The following MUC17 variants were observed in gnomAD, a reference collection of about 807,000 sequenced individuals.
MUC17 encodes the protein mucin-17.
MUC17 carries 190 observed loss-of-function variants against 170.3 expected under a neutral mutation model. The ratio of observed to expected loss-of-function variants is 1.12; its 90% CI spans 0.99 to 1.26. The LOEUF is 1.26. MUC17 is among the 50% of genes most tolerant of loss of function. MUC17 has a pLI of 0.00. For missense variants in MUC17, 6,415 were observed against 5,530.0 expected, an observed-to-expected ratio of 1.16 and a Z score of -5.08; for synonymous variants, 2,325 against 2,002.5, an observed-to-expected ratio of 1.16 and a Z score of -4.30.
In MUC17 at chr7:101,031,935, G is replaced by C; in HGVS notation, c.519G>C (p.Glu173Asp). The change falls in exon 3 of 13, where the codon GAG becomes GAC. Residue 173 changes from glutamate to aspartate, a missense_variant. Transcript: ENST00000306151. ...FVSTAPLPSF[E>D]AYTSLTYKVD... ...GCACTGCACCTCTTCCCAGTTTTGA[G>C]GCCTACACATCTTTAACATATAAGG... 6.2e-7 allele frequency: 1 copy of C among 1,614,018 alleles called. No individual in the cohort carries two copies. Among genetic ancestry groups the C allele is most frequent in the Non-Finnish European group, 8.5e-7 (1 of 1,180,026 alleles).
chr7:101,025,552 G>A (rs929109981), intron 1 of MUC17, among the ~76,000 whole-genome samples: 5 of 152,130 alleles, frequency 3.3e-5, no homozygotes, highest in African/African-American at 1.2e-4. Context: ...AGCACTTTGG[G>A]AGGCCAAGGC....
In MUC17 at chr7:101,037,324, G is replaced by T. The variant is rs374119260; in HGVS notation, c.5908G>T (p.Ala1970Ser). 1.2e-5 allele frequency: 20 copies of T among 1,613,912 alleles called. No homozygotes were observed. The African/African-American group carries it at 2.7e-4, about 22-fold the overall frequency. The part of the protein sequence containing the change: ...YSQASSSPTT[A>S]DGTSMPTPAY... ...TCAAGCCAGTTCATCTCCTACAACT[G>T]CTGATGGTACCAGCATGCCAACCCC... The change falls in exon 3 of 13, where the codon GCT (alanine) becomes TCT (serine). Residue 1970 changes from alanine (A) to serine (S), a missense_variant. Ala to Ser is a moderately conservative substitution (Grantham distance 99, BLOSUM62 1). Transcript: ENST00000306151.
Position 101,056,235 on chromosome 7 carries a change from C to T in MUC17, c.13405C>T (p.Gln4469Ter), listed in dbSNP as rs142829628. The T allele has an allele frequency of 1.3e-4, 205 of 1,613,908 alleles. 1 individual carries two copies. In the Middle Eastern group the frequency reaches 1.3e-3, roughly 10 times the overall value. The part of the protein sequence containing the change: ...IHLESIYSNF[Q>*]PSLRHIDPET... ...CCTGGAGTCCATCTATAGTAATTTCCAGCCCTCCTTGAGACACATAGACCC... is the reference window on the plus strand; with the variant it reads ...CCTGGAGTCCATCTATAGTAATTTCTAGCCCTCCTTGAGACACATAGACCC... The change falls in exon 12 of 13, where the codon CAG becomes TAG. Residue 4469 changes from glutamine (Q) to a stop codon, truncating the protein, a stop_gained. Coordinates refer to ENST00000306151, the MANE Select transcript of MUC17 (RefSeq NM_001040105.2). LOFTEE classifies it low-confidence loss of function (END_TRUNC).
rs750811978 is a variant in MUC17, at chr7:101,031,650, G to C, written c.234G>C (p.Glu78Asp). The C allele has an allele frequency of 6.4e-7, 1 of 1,570,450 alleles. No individual in the cohort carries two copies. The highest frequency in any genetic ancestry group is 1.8e-5 in the Admixed American group (1 of 54,512). The change falls in exon 3 of 13, where the codon GAG (glutamate) becomes GAC (aspartate). Residue 78 changes from glutamate to aspartate, a missense_variant. By Grantham distance (45) the Glu-to-Asp change is conservative. Coordinates refer to ENST00000306151, the MANE Select transcript of MUC17 (RefSeq NM_001040105.2). ...GTACAACATCTACAAATGTCGTGGA[G>C]CCAAGAATGTATTTGAGTTGCAGCA... ...ATGTTSTNVV[E>D]PRMYLSCSTN...
At position 101,042,152 on chromosome 7, in the gene MUC17, C is replaced by G. The variant is rs762731271; in HGVS notation, c.10736C>G (p.Thr3579Arg). ...STPSEGSSSL[T>R]TMLLSSTYVT... The stretch of plus-strand genomic sequence containing the variant: ...CCAAGTGAAGGAAGCTCTTCATTAA[C>G]AACTATGCTCCTCAGCAGCACATAT... Residue 3579 changes from threonine to arginine, a missense_variant, in exon 3 of 13, where the codon ACA becomes AGA. Coordinates refer to ENST00000306151, the MANE Select transcript of MUC17 (RefSeq NM_001040105.2). The G allele has an allele frequency of 6.2e-7, 1 of 1,614,114 alleles. No individual in the cohort carries two copies. Among genetic ancestry groups the G allele is most frequent in the Non-Finnish European group, 8.5e-7 (1 of 1,180,052 alleles).
chr7:101,040,661 A>C lies in MUC17; in HGVS notation c.9245A>C (p.Glu3082Ala), dbSNP rs143037692. The change falls in exon 3 of 13, where the codon GAA (glutamate) becomes GCA (alanine). Residue 3082 changes from glutamate to alanine, a missense_variant. Coordinates refer to ENST00000306151, the MANE Select transcript of MUC17 (RefSeq NM_001040105.2). ...DSNSPVVTST[E>A]VSSSPTPAEG... Reference sequence around the variant, plus strand: ...AACAGTCCTGTGGTCACTTCTACTGAAGTCAGTTCATCTCCTACACCTGCT... The same window carrying C: ...AACAGTCCTGTGGTCACTTCTACTGCAGTCAGTTCATCTCCTACACCTGCT... 220 of 1,612,612 alleles carry C rather than the reference A, an allele frequency of 1.4e-4. 1 individual carries two copies. The highest frequency in any genetic ancestry group is 3.0e-5 in the Non-Finnish European group (35 of 1,179,442).
rs533114568 is a variant in MUC17 at position 101,047,098 on chromosome 7, A to T, written c.12404-886A>T. On this transcript the variant is annotated intron_variant, in intron 3 of 12. Coordinates refer to ENST00000306151, the MANE Select transcript of MUC17 (RefSeq NM_001040105.2). ...TCCGTCTCAAAAAAAAAAAATTAAA[A>T]TAAATAAATAAATAAATAAATAAAT... Among the ~76,000 whole-genome samples the T allele has an allele frequency of 3.4e-5, 5 of 147,332 alleles. No individual in the cohort carries two copies. The East Asian group carries it at 9.7e-4, about 29-fold the overall frequency.
rs1247101542 is a variant in MUC17, at chr7:101,040,927, G to C, written c.9511G>C (p.Val3171Leu). 6.2e-7 allele frequency: 1 copy of C among 1,613,146 alleles called. No homozygotes were observed. The change falls in exon 3 of 13, where the codon GTC becomes CTC. Residue 3171 changes from valine (V) to leucine (L), a missense_variant. Transcript: ENST00000306151. Reference sequence around the variant, plus strand: ...AAGTACTCCATTAACATATATGCCTGTCAGCACCATGCTGGTAGTCAGTTC... The same window carrying C: ...AAGTACTCCATTAACATATATGCCTCTCAGCACCATGCTGGTAGTCAGTTC... ...EGSTPLTYMP[V>L]STMLVVSSED...
chr7:101,025,365 GA>G (rs796440861), intron 1 of MUC17, among the ~76,000 whole-genome samples: 1,352 of 121,816 alleles, frequency 0.011, 13 homozygotes, highest in African/African-American at 0.036. Flanking sequence ...TCCGTCTTAA[GA>G]AAAAAAAAAA....
chr7:101,054,513 CAA>C (rs1230939443), intron 11 of MUC17, among the ~76,000 whole-genome samples: 1 of 152,000 alleles, frequency 6.6e-6, no homozygotes, highest in East Asian at 1.9e-4. Context: ...AGTCAACCCA[CAA>C]AGAGGCAGGA....
At position 101,035,103 on chromosome 7, in the gene MUC17, G is replaced by A. The variant is rs774659126; in HGVS notation, c.3687G>A (p.Thr1229=). The A allele has an allele frequency of 1.2e-5, 20 of 1,611,424 alleles. No individual in the cohort carries two copies. Among genetic ancestry groups the A allele is most frequent in the Non-Finnish European group, 1.4e-5 (16 of 1,179,054 alleles). Residue 1229 remains threonine, a synonymous_variant, in exon 3 of 13, where the codon ACG becomes ACA. Transcript: ENST00000306151. The part of the protein sequence containing the change: ...TPLTSMPVRH[T]PVASSEASTL... ...TAACAAGTATGCCTGTCAGACACAC[G>A]CCAGTGGCCAGTTCTGAGGCTAGCA...
In MUC17 at chr7:101,035,296, G is replaced by C. The variant is rs1301127876; in HGVS notation, c.3880G>C (p.Glu1294Gln). ...CAGCACCACGCTGGTGACCAGTCCT[G>C]AGGCTAGCACCCTTTTAACAACTCC... is the stretch of plus-strand genomic sequence containing the variant. Reference protein sequence around the residue: ...PVSTTLVTSPEASTLLTTPVD... With the variant: ...PVSTTLVTSPQASTLLTTPVD... Residue 1294 changes from glutamate to glutamine, a missense_variant, in exon 3 of 13, where the codon GAG becomes CAG. Physicochemically the swap from Glu to Gln is conservative, Grantham distance 29. Coordinates refer to ENST00000306151, the MANE Select transcript of MUC17 (RefSeq NM_001040105.2). The C allele has an allele frequency of 6.2e-7, 1 of 1,610,710 alleles. No homozygotes were observed. The highest frequency in any genetic ancestry group is 8.5e-7 in the Non-Finnish European group (1 of 1,177,910).
chr7:101,038,105 T>A lies in MUC17; in HGVS notation c.6689T>A (p.Met2230Lys). Residue 2230 changes from methionine (M) to lysine (K), a missense_variant, in exon 3 of 13, where the codon ATG becomes AAG. Transcript: ENST00000306151. ...TPFTSMPVSTMPVVTSEASTL... is the reference protein window; with the variant it reads ...TPFTSMPVSTKPVVTSEASTL... ...TTCACAAGTATGCCTGTCAGCACCA[T>A]GCCGGTAGTTACTTCTGAGGCTAGC... The A allele has an allele frequency of 7.2e-7, 1 of 1,386,920 alleles. No individual in the cohort carries two copies. Among genetic ancestry groups the A allele is most frequent in the South Asian group, 1.5e-5 (1 of 64,646 alleles). 85.9% of individuals were successfully genotyped at this position (1,386,920 alleles called of 1,614,324 possible).
At position 101,037,994 on chromosome 7, in the gene MUC17, C is replaced by A; in HGVS notation, c.6578C>A (p.Thr2193Asn). ...TTPVDTSTPV[T>N]NSTEARSSPT... is the part of the protein sequence containing the mutation. ...CCTGTTGACACCAGCACACCTGTGACCAATTCTACTGAAGCCCGTTCATCT... is the reference window on the plus strand; with the variant it reads ...CCTGTTGACACCAGCACACCTGTGAACAATTCTACTGAAGCCCGTTCATCT... The change falls in exon 3 of 13, where the codon ACC becomes AAC. Residue 2193 changes from threonine to asparagine, a missense_variant. Transcript: ENST00000306151. 1.9e-6 allele frequency: 3 copies of A among 1,608,068 alleles called. No individual in the cohort carries two copies. The highest frequency in any genetic ancestry group is 2.2e-5 in the East Asian group (1 of 44,578).
At chr7:101,044,861 T>C (rs1794808644) in intron 3 of MUC17, among the ~76,000 whole-genome samples, 1 of 152,242 alleles carries the variant, frequency 6.6e-6, no homozygotes, top group Non-Finnish European at 1.5e-5. Context: ...TCTGCCACCA[T>C]TCACTTTTAT....
Position 101,037,893 on chromosome 7 carries a change from A to G in MUC17, c.6477A>G (p.Arg2159=). 6.2e-7 allele frequency: 1 copy of G among 1,609,768 alleles called. No homozygotes were observed. Among genetic ancestry groups the G allele is most frequent in the East Asian group, 2.2e-5 (1 of 44,570 alleles). ...TGCAAACCTCAACTTATAGTGACAG[A>G]AGAACTCCTTTAACAAGTATGCCTG... is the stretch of plus-strand genomic sequence containing the variant. ...TSMQTSTYSD[R]RTPLTSMPVS... is the part of the protein sequence containing the mutation. Residue 2159 remains arginine (R), a synonymous_variant, in exon 3 of 13, where the codon AGA becomes AGG. Transcript: ENST00000306151.
In MUC17 at chr7:101,032,348, A is replaced by G; in HGVS notation, c.932A>G (p.Glu311Gly). Residue 311 changes from glutamate to glycine, a missense_variant, in exon 3 of 13, where the codon GAA becomes GGA. By Grantham distance (98) the Glu-to-Gly change is moderately conservative. Transcript: ENST00000306151. ...AACATTCCTGTGATCACTTCTACTGAAGCCAGTTCATCTCCTACAACGGCT... is the reference window on the plus strand; with the variant it reads ...AACATTCCTGTGATCACTTCTACTGGAGCCAGTTCATCTCCTACAACGGCT... ...ATNIPVITST[E>G]ASSSPTTAEG... The G allele has an allele frequency of 6.2e-7, 1 of 1,613,742 alleles. No homozygotes were observed. The highest frequency in any genetic ancestry group is 8.5e-7 in the Non-Finnish European group (1 of 1,179,942).
At position 101,026,184 on chromosome 7, in the gene MUC17, G is replaced by A. The variant is rs1006931585; in HGVS notation, c.83-4936G>A. ...AGGGGTCAGTGGATCAGGGCCTACC[G>A]GGCACAGTGGAGTGAAGGTGCTCAC... On this transcript the variant is annotated intron_variant, in intron 1 of 12. Transcript: ENST00000306151. Among the ~76,000 whole-genome samples, 27 of 152,168 alleles carry A rather than the reference G, an allele frequency of 1.8e-4. No homozygotes were observed. In the East Asian group the frequency reaches 2.1e-3, roughly 12 times the overall value.
At chr7:101,053,905 T>G (rs1584878380) in intron 11 of MUC17, among the ~76,000 whole-genome samples, 1 of 138,112 alleles carries the variant, frequency 7.2e-6, no homozygotes, top group Non-Finnish European at 1.6e-5. Flanking sequence ...GAAAAAAAAT[T>G]TTAAATTATC....
Sources: allele counts gnomAD v4.1 joint callset (sites outside exome capture counted in the v4.1 genomes callset), GRCh38; gene constraint gnomAD v4.1.1; transcripts MANE v1.5; gene names NCBI Gene and HGNC (gene_info 2026-07-23, HGNC 2026-07-21).